The following OSBPL9 variants were observed in gnomAD, a reference collection of about 807,000 sequenced individuals.
The protein encoded by OSBPL9 is oxysterol binding protein like 9, also known as oxysterol-binding protein-related protein 9.
In OSBPL9, 40 loss-of-function variants were observed where a neutral mutation model predicts 106.6. The ratio of observed to expected loss-of-function variants is 0.38; its 90% CI spans 0.29 to 0.49. OSBPL9 has a LOEUF of 0.49. Ranked by LOEUF, OSBPL9 falls within the 20% of genes least tolerant of loss-of-function variation. The pLI is 0.97. For synonymous variants in OSBPL9, 269 were observed against 295.4 expected, an observed-to-expected ratio of 0.91 and a Z score of 0.92; for missense variants, 609 against 887.2, an observed-to-expected ratio of 0.69 and a Z score of 3.98.
the OSBPL9 span, among the ~76,000 whole-genome samples, chr1:51,536,353 C>T: frequency 6.6e-6 from 1 of 152,108 alleles, no homozygotes; most frequent in Non-Finnish European, 1.5e-5. Flanking sequence ...GTCACCCAGG[C>T]TGGAGGGCAG....
intron 2 of OSBPL9, among the ~76,000 whole-genome samples, chr1:51,661,350 G>A (rs899014031): frequency 3.3e-5 from 5 of 152,128 alleles, no homozygotes; most frequent in African/African-American, 1.2e-4. Context: ...CAAGCCGTGA[G>A]AGCAAAACTA....
chr1:51,583,534 C>G (rs1645232405), intron 1 of OSBPL9: 1 of 152,266 alleles, frequency 6.6e-6, no homozygotes, highest in African/African-American at 2.4e-5. Context: ...GCCTCCACAT[C>G]CCTGTGGTGT....
chr1:51,716,674 G>A (rs184536067), intron 4 of OSBPL9, among the ~76,000 whole-genome samples: 112 of 152,292 alleles, frequency 7.4e-4, no homozygotes, highest in Middle Eastern at 3.4e-3. Flanking sequence ...AATGGTTGAT[G>A]TAGAGATTGC....
chr1:51,575,410 C>T (rs1321089266), upstream of OSBPL9, among the ~76,000 whole-genome samples: 1 of 151,500 alleles, frequency 6.6e-6, no homozygotes. Context: ...GCGGTTTCAC[C>T]ATGTTGGTCG....
intron 14 of OSBPL9, among the ~76,000 whole-genome samples, chr1:51,773,386 T>TC (rs1406153492): frequency 1.3e-5 from 2 of 152,130 alleles, no homozygotes; most frequent in African/African-American, 4.8e-5. Context: ...GAAAACCCCC[T>TC]CCTTTCACTT....
the OSBPL9 span, among the ~76,000 whole-genome samples, chr1:51,529,202 T>G: frequency 1.3e-5 from 2 of 152,104 alleles, no homozygotes; most frequent in African/African-American, 4.8e-5. Flanking sequence ...CCAAATAATC[T>G]TAACAATGAA....
chr1:51,716,974 T>C (rs532917268), intron 4 of OSBPL9, among the ~76,000 whole-genome samples: 11 of 152,184 alleles, frequency 7.2e-5, no homozygotes, highest in African/African-American at 2.4e-4. Context: ...CTTGACCTCA[T>C]TGTATTTATA....
intron 1 of OSBPL9, among the ~76,000 whole-genome samples, chr1:51,586,225 G>A (rs1382433219): frequency 4.0e-5 from 6 of 151,798 alleles, no homozygotes; most frequent in South Asian, 2.1e-4. Flanking sequence ...GGTAACACAA[G>A]TTCATTGTAG....
rs1203910676 is a variant in OSBPL9, at chr1:51,765,960, C to T, written c.917C>T (p.Ser306Leu). Residue 306 changes from serine to leucine, a missense_variant, in exon 12 of 24, where the codon TCA (serine) becomes TTA (leucine). Transcript: ENST00000428468. ...GCTGATGAATTCCATCAAAGTGGCTCATCCCCAAAGCGCTTAATAGAGTGA... is the reference window on the plus strand; with the variant it reads ...GCTGATGAATTCCATCAAAGTGGCTTATCCCCAAAGCGCTTAATAGAGTGA... ...YDADEFHQSG[S>L]SPKRLIDSSG... The T allele has an allele frequency of 5.6e-6, 9 of 1,613,666 alleles. No homozygotes were observed. Among genetic ancestry groups the T allele is most frequent in the Admixed American group, 1.7e-5 (1 of 59,952 alleles).
At chr1:51,749,736 A>G (rs1325622835) in intron 7 of OSBPL9, 1 of 203,214 alleles carries the variant, frequency 4.9e-6, no homozygotes, top group Non-Finnish European at 1.1e-5. Context: ...GCACGGTGGC[A>G]TGTGCATGTA....
At chr1:51,599,739 A>G (rs12049440) in intron 2 of OSBPL9, among the ~76,000 whole-genome samples, 4,890 of 152,298 alleles carry the variant, frequency 0.032, 199 homozygotes, top group East Asian at 0.11. Context: ...TTCAATCTGT[A>G]AGAATATATT....
the OSBPL9 span, among the ~76,000 whole-genome samples, chr1:51,566,882 C>A: frequency 6.6e-6 from 1 of 152,168 alleles, no homozygotes; most frequent in East Asian, 1.9e-4. Context: ...ATGAGGCCTG[C>A]CCCAGAGGAG....
At chr1:51,528,214 A>G in the OSBPL9 span, among the ~76,000 whole-genome samples, 1 of 151,806 alleles carries the variant, frequency 6.6e-6, no homozygotes, top group Non-Finnish European at 1.5e-5. Context: ...AAAAACATCC[A>G]TATTGAAACA....
chr1:51,749,607 A>G, intron 7 of OSBPL9: 1 of 300,094 alleles, frequency 3.3e-6, no homozygotes, highest in Admixed American at 3.2e-5. Context: ...CACCATACCC[A>G]GCCTATCAGT....
At chr1:51,647,862 CCCAGCACTTTG>C (rs1229910596) in intron 1 of OSBPL9, among the ~76,000 whole-genome samples, 2 of 152,070 alleles carry the variant, frequency 1.3e-5, no homozygotes, top group Non-Finnish European at 2.9e-5. Flanking sequence ...CACCTGTAGT[CCCAGCACTTTG>C]GGAGGCTGAG....
In OSBPL9 at chr1:51,787,965, T is replaced by G; in HGVS notation, c.*176T>G. On this transcript the variant is annotated 3_prime_UTR_variant, in exon 24 of 24. Coordinates refer to ENST00000428468, the MANE Select transcript of OSBPL9 (RefSeq NM_024586.6). ...ACAATTAAGGGGAAAAGCTTCCCTT[T>G]TCCCTCTGTGGCAGTTACGATTTTG... 1.7e-6 allele frequency: 1 copy of G among 596,696 alleles called. No homozygotes were observed. The highest frequency in any genetic ancestry group is 1.9e-5 in the African/African-American group (1 of 52,944). 37.0% of individuals were successfully genotyped at this position (596,696 alleles called of 1,614,324 possible).
chr1:51,772,260 C>T, intron 13 of OSBPL9, 78 bp downstream of exon 13: 1 of 1,241,684 alleles, frequency 8.1e-7, no homozygotes, highest in African/African-American at 1.5e-5. Context: ...TGCCGTAATC[C>T]CAGCACTTTG....
chr1:51,752,089 A>T (rs1557803518), intron 8 of OSBPL9, among the ~76,000 whole-genome samples: 1 of 152,140 alleles, frequency 6.6e-6, no homozygotes, highest in Non-Finnish European at 1.5e-5. Flanking sequence ...TGCCTGCTCA[A>T]ATACCCCTGA....
At position 51,747,921 on chromosome 1, in the gene OSBPL9, G is replaced by A. The variant is rs553001448; in HGVS notation, c.463-448G>A. Among the ~76,000 whole-genome samples, 8 of 151,984 alleles carry A rather than the reference G, an allele frequency of 5.3e-5. No homozygotes were observed. The South Asian group carries it at 1.7e-3, about 32-fold the overall frequency. ...TCTCCTGCCTCAGCCTCCCAAGTAG[G>A]TGGGACTACAGGTGCCTGCCACCAC... is the stretch of plus-strand genomic sequence containing the variant. On this transcript the variant is annotated intron_variant, in intron 6 of 23. Transcript: ENST00000428468.
Sources: gnomAD v4.1 joint callset for allele counts (sites outside exome capture counted in the v4.1 genomes callset) on GRCh38, gnomAD v4.1.1 for gene constraint, MANE v1.5 for transcripts, NCBI Gene and HGNC (gene_info 2026-07-23, HGNC 2026-07-21) for gene names.